Variants in RB1 observed in about 807,000 individuals in gnomAD.
The protein encoded by RB1 is retinoblastoma-associated protein.
In RB1, 18 loss-of-function variants were observed where a neutral mutation model predicts 135.4. The ratio of observed to expected loss-of-function variants is 0.13; its 90% CI spans 0.09 to 0.20. The LOEUF is 0.20. Among genes scored for constraint, RB1 ranks in the 10% least tolerant of loss-of-function variants. The pLI is 1.00. For synonymous variants in RB1, 365 were observed against 373.2 expected, an observed-to-expected ratio of 0.98 and a Z score of 0.25; for missense variants, 868 against 1,110.0, an observed-to-expected ratio of 0.78 and a Z score of 3.10.
At chr13:48,397,347 A>G (rs1948656696) in intron 17 of RB1, among the ~76,000 whole-genome samples, 1 of 152,178 alleles carries the variant, frequency 6.6e-6, no homozygotes, top group Non-Finnish European at 1.5e-5. Flanking sequence ...CTTTGCAGGG[A>G]CATGGATGAA....
chr13:48,413,988 A>C (rs2138211090), intron 17 of RB1, among the ~76,000 whole-genome samples: 1 of 152,274 alleles, frequency 6.6e-6, no homozygotes, highest in African/African-American at 2.4e-5. Context: ...ATATTGAAAT[A>C]TATTTCAGAT....
intron 2 of RB1, among the ~76,000 whole-genome samples, chr13:48,320,717 G>C (rs1952227591): frequency 6.6e-6 from 1 of 152,056 alleles, no homozygotes; most frequent in Non-Finnish European, 1.5e-5. Context: ...TGTAGTCCCA[G>C]CTACTCGTGA....
intron 17 of RB1, among the ~76,000 whole-genome samples, chr13:48,430,761 CAAACAAAAA>C (rs1194851700): frequency 9.4e-5 from 3 of 32,026 alleles, no homozygotes; most frequent in East Asian, 8.6e-4. Context: ...AACAAACAAA[CAAACAAAAA>C]AAAAAAACAG....
At chr13:48,463,640 T>A (rs966776694) in intron 20 of RB1, 91 bp from the exon 21 acceptor site, 7 of 863,496 alleles carry the variant, frequency 8.1e-6, no homozygotes, top group Non-Finnish European at 1.4e-5. Flanking sequence ...AAACCTTTCT[T>A]TTTTGAGGCT....
In RB1 at chr13:48,411,482, G is replaced by C. The variant is rs1948799851; in HGVS notation, c.1695+30039G>C. 8.1e-6 allele frequency: 13 copies of C among 1,612,784 alleles called. No individual in the cohort carries two copies. The highest frequency in any genetic ancestry group is 1.1e-5 in the Non-Finnish European group (13 of 1,179,170). ...CTGCACCATGAACTTCAGAGAATCT[G>C]AAGTCACTTCTCCTGACAGACCAGT... On this transcript the variant is annotated intron_variant, in intron 17 of 26. Transcript: ENST00000267163.
intron 2 of RB1, chr13:48,318,195 C>T: frequency 1.7e-6 from 1 of 583,258 alleles, no homozygotes; most frequent in Non-Finnish European, 3.1e-6. Context: ...AGGTTTGTTC[C>T]CTGGACCCTC....
At chr13:48,340,555 C>T (rs566830552) in intron 2 of RB1, among the ~76,000 whole-genome samples, 13 of 142,124 alleles carry the variant, frequency 9.1e-5, no homozygotes, top group South Asian at 2.2e-4. Context: ...TAGCAACTTT[C>T]GCTTCATTTT....
intron 14 of RB1, 30 bp from the exon 15 acceptor site, chr13:48,380,023 C>CTT (rs753535084): frequency 2.1e-4 from 161 of 769,752 alleles, no homozygotes; most frequent in African/African-American, 5.6e-4. Flanking sequence ...TAAACAACTT[C>CTT]TTTTTTTTTT....
At chr13:48,359,275 T>C (rs912451120) in intron 6 of RB1, among the ~76,000 whole-genome samples, 2 of 151,808 alleles carry the variant, frequency 1.3e-5, no homozygotes, top group African/African-American at 4.8e-5. Flanking sequence ...CTAATAACTT[T>C]AAAGATTTTA....
intron 6 of RB1, among the ~76,000 whole-genome samples, chr13:48,357,936 G>A (rs1952607309): frequency 6.6e-6 from 1 of 152,158 alleles, no homozygotes; most frequent in Non-Finnish European, 1.5e-5. Context: ...TTACAGTCAA[G>A]TAAGGGAGAT....
intron 2 of RB1, among the ~76,000 whole-genome samples, chr13:48,338,711 G>A (rs1016579532): frequency 5.9e-5 from 9 of 152,160 alleles, no homozygotes; most frequent in South Asian, 2.1e-4. Flanking sequence ...GCTTTGTTCC[G>A]TTGCTAGCGA....
chr13:48,354,121 G>T (rs1435763050), intron 6 of RB1, among the ~76,000 whole-genome samples: 1 of 151,996 alleles, frequency 6.6e-6, no homozygotes, highest in African/African-American at 2.4e-5. Context: ...AGGGAATCCA[G>T]ATTGGAAAGA....
chr13:48,337,490 T>C (rs1952395867), intron 2 of RB1, among the ~76,000 whole-genome samples: 1 of 152,212 alleles, frequency 6.6e-6, no homozygotes, highest in African/African-American at 2.4e-5. Context: ...TATCAGAGAC[T>C]AGGATTGCAA....
chr13:48,439,777 G>C (rs1195973690), intron 17 of RB1: 2 of 152,098 alleles, frequency 1.3e-5, no homozygotes, highest in Non-Finnish European at 2.9e-5. Context: ...CAGAAAATAG[G>C]CTTTGGGGAA....
intron 19 of RB1, among the ~76,000 whole-genome samples, chr13:48,457,572 C>T (rs1011716685): frequency 6.6e-6 from 1 of 152,214 alleles, no homozygotes; most frequent in Non-Finnish European, 1.5e-5. Context: ...GGTGGGGCCT[C>T]AACAGGGACT....
At chr13:48,439,752 G>C (rs1220153840) in intron 17 of RB1, 1 of 152,074 alleles carries the variant, frequency 6.6e-6, no homozygotes, top group Non-Finnish European at 1.5e-5. Context: ...AAATTTGCCT[G>C]AGTTTTTAGT....
At chr13:48,349,252 T>G (rs1033041780) in intron 6 of RB1, among the ~76,000 whole-genome samples, 1 of 151,820 alleles carries the variant, frequency 6.6e-6, no homozygotes, top group Non-Finnish European at 1.5e-5. Context: ...CTTTCTTTTT[T>G]TTGAAGAATA....
In RB1 at chr13:48,481,225, A is replaced by G. The variant is rs958484440; in HGVS notation, c.*1154A>G. On this transcript the variant is annotated 3_prime_UTR_variant, in exon 27 of 27. Coordinates refer to ENST00000267163, the MANE Select transcript of RB1 (RefSeq NM_000321.3). ...CTAACACTGGCATGTTCAAAGCCAC[A>G]TTATTTCTAGTCCAAAATTACAAGT... is the stretch of plus-strand genomic sequence containing the variant. 3.9e-5 allele frequency: 9 copies of G among 231,710 alleles called. No homozygotes were observed. Among genetic ancestry groups the G allele is most frequent in the African/African-American group, 1.5e-4 (7 of 45,222 alleles). 14.4% of individuals were successfully genotyped at this position (231,710 alleles called of 1,614,324 possible). A position where few individuals can be genotyped will look rare whatever the true frequency, so the allele number is the denominator to read the frequency against.
chr13:48,316,121 G>C (rs926361838), intron 2 of RB1, among the ~76,000 whole-genome samples: 1 of 152,164 alleles, frequency 6.6e-6, no homozygotes, highest in Non-Finnish European at 1.5e-5. Context: ...CTGAGCTGCA[G>C]AGCAGCCGCT....
Sources: gnomAD v4.1 joint callset for allele counts (sites outside exome capture counted in the v4.1 genomes callset) on GRCh38, gnomAD v4.1.1 for gene constraint, MANE v1.5 for transcripts, NCBI Gene and HGNC (gene_info 2026-07-23, HGNC 2026-07-21) for gene names.